Variants in RBMS1 observed in about 807,000 individuals in gnomAD.
RBMS1 encodes RNA-binding motif, single-stranded-interacting protein 1.
Under a neutral mutation model 62.3 loss-of-function variants are expected in RBMS1, and 17 were observed. The observed-to-expected ratio is 0.27, with a 90% CI of 0.19 to 0.41. The LOEUF (loss-of-function observed/expected upper bound fraction) is 0.41, where lower values mean the gene tolerates loss of function less well. Ranked by LOEUF, RBMS1 falls within the 10% of genes least tolerant of loss-of-function variation. RBMS1 has a pLI of 1.00. For synonymous variants in RBMS1, 172 were observed against 170.0 expected, an observed-to-expected ratio of 1.01 and a Z score of -0.09; for missense variants, 334 against 504.5, an observed-to-expected ratio of 0.66 and a Z score of 3.24.
chr2:160,465,867 C>CACAT (rs1429695662), intron 1 of RBMS1, among the ~76,000 whole-genome samples: 1 of 75,646 alleles, frequency 1.3e-5, no homozygotes, highest in Non-Finnish European at 2.7e-5. Flanking sequence ...CACACACATA[C>CACAT]ACACACACAC....
At chr2:160,318,256 AAAAAAG>A in intron 2 of RBMS1, 29 bp from the exon 3 acceptor site, 1 of 1,507,838 alleles carries the variant, frequency 6.6e-7, no homozygotes, top group Non-Finnish European at 8.8e-7. Flanking sequence ...AAAAAAAGGA[AAAAAAG>A]AAAAGAAAGA....
chr2:160,396,950 C>A (rs1277324224), intron 1 of RBMS1, among the ~76,000 whole-genome samples: 1 of 152,198 alleles, frequency 6.6e-6, no homozygotes, highest in Non-Finnish European at 1.5e-5. Flanking sequence ...TTATCAGAAT[C>A]TCCATGCCCC....
intron 1 of RBMS1, among the ~76,000 whole-genome samples, chr2:160,418,877 A>ACACAGGGCTTG (rs1156345022): frequency 1.3e-5 from 2 of 152,222 alleles, no homozygotes; most frequent in Admixed American, 1.3e-4. Flanking sequence ...CAAGCCTCTA[A>ACACAGGGCTTG]CACAGGGCTT....
chr2:160,386,105 C>T (rs1694557976), intron 1 of RBMS1, among the ~76,000 whole-genome samples: 1 of 152,194 alleles, frequency 6.6e-6, no homozygotes, highest in South Asian at 2.1e-4. Context: ...ATAGGTAAAA[C>T]TATGCTAAGG....
At chr2:160,455,202 A>G (rs764190411) in intron 1 of RBMS1, among the ~76,000 whole-genome samples, 2 of 152,250 alleles carry the variant, frequency 1.3e-5, no homozygotes, top group Admixed American at 6.5e-5. Flanking sequence ...TTTTTACTTC[A>G]GTTGAAAACC....
intron 9 of RBMS1, chr2:160,281,952 T>G (rs1688124617): frequency 5.4e-6 from 1 of 185,332 alleles, no homozygotes; most frequent in Admixed American, 5.7e-5. Flanking sequence ...CTTCAGTAAC[T>G]AGATTTTGAC....
At chr2:160,475,669 T>G (rs146059649) in intron 1 of RBMS1, among the ~76,000 whole-genome samples, 82 of 152,358 alleles carry the variant, frequency 5.4e-4, no homozygotes, top group African/African-American at 1.3e-3. Context: ...GAATCCTAAC[T>G]AATATAATCA....
chr2:160,323,476 T>TA (rs1051124416), intron 2 of RBMS1, among the ~76,000 whole-genome samples: 360 of 148,890 alleles, frequency 2.4e-3, no homozygotes, highest in African/African-American at 8.2e-3. Flanking sequence ...ACCCCCTGTT[T>TA]AAAAAAAAAA....
chr2:160,312,821 T>TA (rs201315509), intron 4 of RBMS1, among the ~76,000 whole-genome samples: 14,905 of 143,334 alleles, frequency 0.1, 953 homozygotes, highest in East Asian at 0.26. Flanking sequence ...CATTTAAATT[T>TA]AAAAAAAAAA....
chr2:160,287,161 G>T, intron 6 of RBMS1, 77 bp from the exon 7 acceptor site: 5 of 1,576,328 alleles, frequency 3.2e-6, no homozygotes, highest in Non-Finnish European at 4.3e-6. Flanking sequence ...ACAAAAATAG[G>T]AATAGTGTTC....
At chr2:160,419,724 T>C (rs1696343899) in intron 1 of RBMS1, among the ~76,000 whole-genome samples, 1 of 152,238 alleles carries the variant, frequency 6.6e-6, no homozygotes, top group Non-Finnish European at 1.5e-5. Context: ...AGGAAGTGAC[T>C]ACATAGCCGG....
intron 1 of RBMS1, among the ~76,000 whole-genome samples, chr2:160,482,716 G>A (rs1411224484): frequency 6.6e-6 from 1 of 152,106 alleles, no homozygotes; most frequent in Non-Finnish European, 1.5e-5. Context: ...AGGGAGCTAG[G>A]AGGATTTGCA....
chr2:160,341,787 A>G (rs1691887903), intron 2 of RBMS1, among the ~76,000 whole-genome samples: 1 of 152,072 alleles, frequency 6.6e-6, no homozygotes, highest in Non-Finnish European at 1.5e-5. Flanking sequence ...CTCACATCTC[A>G]ATTTCCCTTC....
chr2:160,406,412 A>G (rs1695710213), intron 1 of RBMS1, among the ~76,000 whole-genome samples: 1 of 152,262 alleles, frequency 6.6e-6, no homozygotes, highest in African/African-American at 2.4e-5. Flanking sequence ...CGTGATCTTA[A>G]GAGAGCCACG....
intron 1 of RBMS1, among the ~76,000 whole-genome samples, chr2:160,392,874 G>A (rs982871810): frequency 1.3e-5 from 2 of 151,872 alleles, no homozygotes; most frequent in Non-Finnish European, 2.9e-5. Flanking sequence ...TCCAGCCCGG[G>A]CAACAGAGCA....
chr2:160,423,789 TC>T (rs1696528094), intron 1 of RBMS1, among the ~76,000 whole-genome samples: 1 of 152,128 alleles, frequency 6.6e-6, no homozygotes, highest in Admixed American at 6.5e-5. Flanking sequence ...AGGTCCTGTG[TC>T]CCCTGGTTGG....
Position 160,462,733 on chromosome 2 carries a change from C to T in RBMS1, c.75+30556G>A, listed in dbSNP as rs914028789. On this transcript the variant is annotated intron_variant, in intron 1 of 13. Transcript: ENST00000348849. ...AAGCGATTCTCCTGCCTCAGCCTCCCGAGTAGCTGGGCACCCCCATGCCCA... is the reference window on the plus strand; with the variant it reads ...AAGCGATTCTCCTGCCTCAGCCTCCTGAGTAGCTGGGCACCCCCATGCCCA... 3.9e-5 allele frequency among the ~76,000 whole-genome samples: 6 copies of T among 152,130 alleles called. 1 individual carries two copies. The highest frequency in any genetic ancestry group is 4.2e-4 in the South Asian group (2 of 4,816).
At chr2:160,284,229 G>A (rs1036061281) in intron 9 of RBMS1, 6 of 153,532 alleles carry the variant, frequency 3.9e-5, no homozygotes, top group African/African-American at 1.4e-4. Context: ...TGCTAAGTTG[G>A]GAATTTATTT....
chr2:160,407,728 T>C (rs1322758969), intron 1 of RBMS1: 1 of 981,024 alleles, frequency 1.0e-6, no homozygotes, highest in Non-Finnish European at 1.2e-6. Flanking sequence ...ACCTCCGCAC[T>C]CGCCTAAAAG....
Sources: gnomAD v4.1 joint callset for allele counts (sites outside exome capture counted in the v4.1 genomes callset) on GRCh38, gnomAD v4.1.1 for gene constraint, MANE v1.5 for transcripts, NCBI Gene and HGNC (gene_info 2026-07-23, HGNC 2026-07-21) for gene names.